ZNF596: variants seen among roughly 807,000 people sequenced by gnomAD.
The protein encoded by ZNF596 is zinc finger protein 596.
ZNF596 carries 45 observed loss-of-function variants against 48.3 expected under a neutral mutation model. The ratio of observed to expected loss-of-function variants is 0.93; its 90% CI spans 0.73 to 1.19. ZNF596 has a LOEUF of 1.19. ZNF596 is among the 50% of genes most tolerant of loss of function. The pLI is 0.00. For synonymous variants in ZNF596, 270 were observed against 202.0 expected (o/e 1.34, Z -2.85); for missense variants, 848 against 599.7 (o/e 1.41, Z -4.32).
chr8:243,537 T>A lies in ZNF596; in HGVS notation c.140-185T>A, dbSNP rs1218117713. On this transcript the variant is annotated intron_variant, in intron 3 of 5. Transcript: ENST00000398612. The stretch of plus-strand genomic sequence containing the variant: ...TCAGCAATTATAGGTCTTTTATGTC[T>A]GGGAACAAGTTCAAGAGTTTTCATT... 8.3e-6 allele frequency: 4 copies of A among 483,030 alleles called. No individual in the cohort carries two copies. The South Asian group carries it at 1.3e-4, about 15-fold the overall frequency. 29.9% of individuals were successfully genotyped at this position (483,030 alleles called of 1,614,324 possible).
At chr8:241,821 G>A (rs924459250) in intron 2 of ZNF596, among the ~76,000 whole-genome samples, 2 of 152,158 alleles carry the variant, frequency 1.3e-5, no homozygotes, top group African/African-American at 2.4e-5. Flanking sequence ...AGTTCTGCAG[G>A]CTTAACAGGA....
chr8:246,032 A>T lies in ZNF596; in HGVS notation c.1185A>T (p.Val395=). 1.2e-6 allele frequency: 2 copies of T among 1,614,182 alleles called. No individual in the cohort carries two copies. The highest frequency in any genetic ancestry group is 1.7e-6 in the Non-Finnish European group (2 of 1,180,016). The change falls in exon 6 of 6, where the codon GTA becomes GTT. Residue 395 remains valine (V), a synonymous_variant. Coordinates refer to ENST00000398612, the MANE Select transcript of ZNF596 (RefSeq NM_001042416.3). ...HTGEKPYECH[V]CGKAFTESSD... ...GAGAGAAACCATATGAGTGCCATGT[A>T]TGTGGGAAAGCCTTCACTGAATCTT...
intron 4 of ZNF596, 197 bp from the exon 5 acceptor site, chr8:244,422 C>G: frequency 1.8e-6 from 1 of 562,598 alleles, no homozygotes; most frequent in Non-Finnish European, 3.1e-6. Context: ...CCTTCCTCGA[C>G]TTGCCTTTAT....
chr8:239,082 G>C (rs1796744228), intron 1 of ZNF596, among the ~76,000 whole-genome samples: 2 of 152,118 alleles, frequency 1.3e-5, no homozygotes. Context: ...TGAACTCAAA[G>C]ACAGGTTATT....
In ZNF596 at chr8:245,708, C is replaced by T. The variant is rs1479134803; in HGVS notation, c.861C>T (p.Ala287=). The T allele has an allele frequency of 6.2e-7, 1 of 1,613,942 alleles. No individual in the cohort carries two copies. The change falls in exon 6 of 6, where the codon GCC becomes GCT. Residue 287 remains alanine, a synonymous_variant. Coordinates refer to ENST00000398612, the MANE Select transcript of ZNF596 (RefSeq NM_001042416.3). ...KAQICHLCGK[A]FTHCSDLRKH... ...AGATATGCCATCTATGTGGGAAAGC[C>T]TTCACTCATTGCTCTGACCTTAGAA...
Position 246,326 on chromosome 8 carries a change from T to C in ZNF596, c.1479T>C (p.His493=), listed in dbSNP as rs1055451029. ...AFSKFFNLRQ[H]ERTHTKKAMN... ...GTAAATTTTTTAACCTTAGACAACATGAGAGAACTCACACTAAAAAAGCAA... is the reference window on the plus strand; with the variant it reads ...GTAAATTTTTTAACCTTAGACAACACGAGAGAACTCACACTAAAAAAGCAA... The change falls in exon 6 of 6, where the codon CAT becomes CAC. Residue 493 remains histidine (H), a synonymous_variant. Transcript: ENST00000398612. 1 of 1,597,982 alleles carries C rather than the reference T, an allele frequency of 6.3e-7. No individual in the cohort carries two copies. Among genetic ancestry groups the C allele is most frequent in the African/African-American group, 1.4e-5 (1 of 73,778 alleles).
At position 246,447 on chromosome 8, in the gene ZNF596, G is replaced by T; in HGVS notation, c.*85G>T. The T allele has an allele frequency of 6.8e-7, 1 of 1,480,360 alleles. No individual in the cohort carries two copies. Among genetic ancestry groups the T allele is most frequent in the South Asian group, 1.4e-5 (1 of 71,536 alleles). 91.7% of individuals were successfully genotyped at this position (1,480,360 alleles called of 1,614,324 possible). On this transcript the variant is annotated 3_prime_UTR_variant, in exon 6 of 6. Coordinates refer to ENST00000398612, the MANE Select transcript of ZNF596 (RefSeq NM_001042416.3). ...TTATGTCTGTAATCAGTGTGGAAAAGCCTTTATTTATATTTACCACTTTGC... is the reference window on the plus strand; with the variant it reads ...TTATGTCTGTAATCAGTGTGGAAAATCCTTTATTTATATTTACCACTTTGC...
At chr8:244,978 A>G (rs1232954750) in intron 5 of ZNF596, among the ~76,000 whole-genome samples, 176 bp from the exon 6 acceptor site, 7 of 152,246 alleles carry the variant, frequency 4.6e-5, no homozygotes, top group Non-Finnish European at 1.0e-4. Context: ...ACAACAGGAA[A>G]ACTCTCTACA....
chr8:232,824 G>A (rs1796464224), intron 1 of ZNF596, 130 bp downstream of exon 1: 6 of 437,334 alleles, frequency 1.4e-5, no homozygotes, highest in South Asian at 1.0e-4. Context: ...CCTCCGCCAG[G>A]CCCTACGTCT....
chr8:232,752 C>T (rs1055512932), intron 1 of ZNF596, 58 bp downstream of exon 1: 2 of 419,644 alleles, frequency 4.8e-6, no homozygotes, highest in Non-Finnish European at 9.8e-6. Context: ...CCTCTTGGCC[C>T]CTCAGGGCAG....
rs1796907238 is a variant in ZNF596, at chr8:242,794, C to T, written c.13-93C>T. The T allele has an allele frequency of 5.6e-6, 7 of 1,240,892 alleles. No homozygotes were observed. The Admixed American group carries it at 2.0e-4, about 35-fold the overall frequency. The allele number at this position is 1,240,892 out of a possible 1,614,324, so 76.9% of individuals were successfully genotyped here. On this transcript the variant is annotated intron_variant, in intron 2 of 5. Transcript: ENST00000398612. ...TGTTTTGAGTTTTCTGTTCATACCACCCACACTTCCTTAGTACAGTCACTT... is the reference window on the plus strand; with the variant it reads ...TGTTTTGAGTTTTCTGTTCATACCATCCACACTTCCTTAGTACAGTCACTT...
At chr8:243,475 G>C (rs1796935432) in intron 3 of ZNF596, 3 of 396,140 alleles carry the variant, frequency 7.6e-6, no homozygotes, top group Non-Finnish European at 9.2e-6. Flanking sequence ...AAAACACTGA[G>C]GATTCTGAAA....
chr8:244,850 CAA>C (rs1222879000), intron 5 of ZNF596, 149 bp downstream of exon 5: 46 of 719,438 alleles, frequency 6.4e-5, no homozygotes, highest in South Asian at 4.4e-4. Context: ...AACTTCAAAT[CAA>C]AACCATAATA....
At chr8:242,638 T>A (rs982694062) in intron 2 of ZNF596, among the ~76,000 whole-genome samples, 5 of 152,140 alleles carry the variant, frequency 3.3e-5, no homozygotes, top group African/African-American at 1.2e-4. Context: ...AGAAGTCTAT[T>A]GGGAAATCTT....
At chr8:243,300 G>A in intron 3 of ZNF596, 1 of 302,798 alleles carries the variant, frequency 3.3e-6, no homozygotes, top group South Asian at 6.2e-5. Flanking sequence ...GTAATTCACT[G>A]CTTTGGTATG....
In ZNF596 at chr8:245,888, T is replaced by C. The variant is rs1396216865; in HGVS notation, c.1041T>C (p.Cys347=). ...CHLCGKAFSH[C]SHLRQHERSH... Reference sequence around the variant, plus strand: ...TATGTGGAAAAGCCTTCTCTCATTGTTCTCACCTTAGACAACATGAGCGAA... The same window carrying C: ...TATGTGGAAAAGCCTTCTCTCATTGCTCTCACCTTAGACAACATGAGCGAA... Residue 347 remains cysteine, a synonymous_variant, in exon 6 of 6, where the codon TGT becomes TGC. Coordinates refer to ENST00000398612, the MANE Select transcript of ZNF596 (RefSeq NM_001042416.3). The C allele has an allele frequency of 1.2e-6, 2 of 1,613,792 alleles. No homozygotes were observed. The highest frequency in any genetic ancestry group is 2.7e-5 in the African/African-American group (2 of 74,854).
intron 1 of ZNF596, among the ~76,000 whole-genome samples, chr8:236,761 ATTAT>A (rs2117070982): frequency 6.6e-6 from 1 of 152,354 alleles, no homozygotes; most frequent in East Asian, 1.9e-4. Context: ...ATGCTCTGTC[ATTAT>A]TTAACCATAC....
intron 3 of ZNF596, 121 bp from the exon 4 acceptor site, chr8:243,601 T>C: frequency 2.4e-6 from 2 of 839,606 alleles, no homozygotes; most frequent in Non-Finnish European, 3.8e-6. Flanking sequence ...TTCAAGGTAC[T>C]CTTCCCAGGC....
At chr8:243,078 A>G (rs1179555825) in intron 3 of ZNF596, 65 bp downstream of exon 3, 1 of 1,479,650 alleles carries the variant, frequency 6.8e-7, no homozygotes, top group South Asian at 1.3e-5. Flanking sequence ...TTTTTCACTG[A>G]TTCATTCTTT....
Sources: allele counts gnomAD v4.1 joint callset (sites outside exome capture counted in the v4.1 genomes callset), GRCh38; gene constraint gnomAD v4.1.1; transcripts MANE v1.5; gene names NCBI Gene and HGNC (gene_info 2026-07-23, HGNC 2026-07-21).